The following SYT1 variants were observed in gnomAD, a reference collection of about 807,000 sequenced individuals.
SYT1 encodes synaptotagmin 1.
SYT1 carries 8 observed loss-of-function variants against 44.8 expected under a neutral mutation model. That is an observed-to-expected ratio of 0.18 (90% CI 0.10 to 0.32). SYT1 has a LOEUF of 0.32. Ranked by LOEUF, SYT1 falls within the 10% of genes least tolerant of loss-of-function variation. The pLI, the probability that SYT1 is intolerant of heterozygous loss-of-function variation, is 1.00. For synonymous variants in SYT1, 154 were observed against 188.8 expected, an observed-to-expected ratio of 0.82 and a Z score of 1.51; for missense variants, 286 against 509.3, an observed-to-expected ratio of 0.56 and a Z score of 4.22.
intron 9 of SYT1, among the ~76,000 whole-genome samples, chr12:79,371,050 TA>T (rs572390901): frequency 3.2e-3 from 492 of 152,344 alleles, no homozygotes; most frequent in African/African-American, 0.01. Flanking sequence ...TAATTATAGT[TA>T]TAATCTAGTC....
intron 8 of SYT1, among the ~76,000 whole-genome samples, chr12:79,320,116 T>C (rs1054495435): frequency 2.0e-5 from 3 of 152,166 alleles, no homozygotes; most frequent in African/African-American, 7.2e-5. Context: ...AGATAAGATA[T>C]TGAGCTGTGA....
intron 8 of SYT1, among the ~76,000 whole-genome samples, chr12:79,338,750 T>C (rs1272753700): frequency 1.3e-5 from 2 of 150,908 alleles, no homozygotes; most frequent in South Asian, 2.1e-4. Context: ...ATACATGTGC[T>C]GTGTTGGTTT....
intron 3 of SYT1, among the ~76,000 whole-genome samples, chr12:79,145,797 G>T (rs576125740): frequency 2.7e-5 from 4 of 150,036 alleles, no homozygotes; most frequent in Admixed American, 6.7e-5. Context: ...TCGCTCTGTC[G>T]CCCAGGCTGG....
intron 4 of SYT1, 58 bp downstream of exon 4, chr12:79,217,743 A>G (rs1220518852): frequency 3.4e-6 from 5 of 1,473,740 alleles, no homozygotes; most frequent in Non-Finnish European, 4.6e-6. Flanking sequence ...TACCCCATCC[A>G]TTGGAAAGAA....
intron 4 of SYT1, among the ~76,000 whole-genome samples, chr12:79,277,930 T>A (rs1269791499): frequency 1.3e-5 from 2 of 151,970 alleles, no homozygotes; most frequent in African/African-American, 4.8e-5. Context: ...GGTCATTATA[T>A]AATGATAAAG....
At chr12:79,242,745 T>C (rs1420863348) in intron 4 of SYT1, among the ~76,000 whole-genome samples, 2 of 152,170 alleles carry the variant, frequency 1.3e-5, no homozygotes, top group Non-Finnish European at 2.9e-5. Flanking sequence ...ACATACTGCC[T>C]CCTCCTCCCA....
At chr12:79,011,351 A>G (rs1871393812) in intron 2 of SYT1, among the ~76,000 whole-genome samples, 1 of 152,206 alleles carries the variant, frequency 6.6e-6, no homozygotes, top group Admixed American at 6.5e-5. Context: ...AGTTTATTAC[A>G]AGGAAGTGTG....
chr12:79,116,241 T>C (rs1000599148), intron 3 of SYT1, among the ~76,000 whole-genome samples: 12 of 152,188 alleles, frequency 7.9e-5, no homozygotes, highest in Non-Finnish European at 1.3e-4. Context: ...GCTGATATTT[T>C]TGTTGTTCTT....
At chr12:78,894,838 C>G (rs936271079) in intron 1 of SYT1, among the ~76,000 whole-genome samples, 4 of 150,584 alleles carry the variant, frequency 2.7e-5, no homozygotes, top group Admixed American at 1.3e-4. Context: ...TTTAAGAGAC[C>G]TATTGTACAT....
At chr12:79,447,446 T>C (rs1870800069) in intron 10 of SYT1, among the ~76,000 whole-genome samples, 1 of 152,156 alleles carries the variant, frequency 6.6e-6, no homozygotes, top group East Asian at 1.9e-4. Flanking sequence ...CTCCCCCAAA[T>C]GTAGAAATAA....
intron 3 of SYT1, among the ~76,000 whole-genome samples, chr12:79,193,876 TCTTA>T (rs1386564314): frequency 2.0e-5 from 3 of 152,250 alleles, no homozygotes; most frequent in Admixed American, 6.5e-5. Context: ...TTTTATTTTT[TCTTA>T]CTTCTTAGGT....
At chr12:79,156,160 C>T (rs924557759) in intron 3 of SYT1, among the ~76,000 whole-genome samples, 13 of 152,146 alleles carry the variant, frequency 8.5e-5, no homozygotes, top group Admixed American at 2.0e-4. Context: ...GTGACAAAAC[C>T]GGAACTCAAT....
chr12:79,371,764 C>G (rs1281683941), intron 9 of SYT1, among the ~76,000 whole-genome samples: 3 of 152,174 alleles, frequency 2.0e-5, no homozygotes, highest in Non-Finnish European at 4.4e-5. Flanking sequence ...AGTCATGCCT[C>G]AGAGGTTTGA....
chr12:79,037,899 T>G (rs1565774715), intron 2 of SYT1, among the ~76,000 whole-genome samples: 1 of 151,864 alleles, frequency 6.6e-6, no homozygotes, highest in Non-Finnish European at 1.5e-5. Flanking sequence ...GATAATGTTG[T>G]GCTTAATGAA....
At chr12:78,894,687 C>T (rs1019025787) in intron 1 of SYT1, among the ~76,000 whole-genome samples, 4 of 151,418 alleles carry the variant, frequency 2.6e-5, no homozygotes, top group African/African-American at 7.3e-5. Flanking sequence ...AAATATCTGA[C>T]GATCTCACCA....
chr12:79,024,925 G>T (rs1872427974), intron 2 of SYT1, among the ~76,000 whole-genome samples: 1 of 151,710 alleles, frequency 6.6e-6, no homozygotes, highest in Admixed American at 6.6e-5. Flanking sequence ...TTTCAGGATA[G>T]CAGGTACTTT....
intron 3 of SYT1, among the ~76,000 whole-genome samples, chr12:79,053,833 A>G (rs537229362): frequency 3.3e-4 from 50 of 151,966 alleles, no homozygotes; most frequent in Middle Eastern, 6.8e-3. Flanking sequence ...GAAACAACCA[A>G]AGTTGTTGGT....
intron 1 of SYT1, among the ~76,000 whole-genome samples, chr12:78,910,079 A>G (rs998777517): frequency 5.3e-5 from 8 of 151,954 alleles, no homozygotes; most frequent in Admixed American, 3.9e-4. Flanking sequence ...GAATCACTAC[A>G]TTTCATATCT....
chr12:79,090,488 T>A (rs1240948919), intron 3 of SYT1, among the ~76,000 whole-genome samples: 1 of 151,970 alleles, frequency 6.6e-6, no homozygotes, highest in Non-Finnish European at 1.5e-5. Flanking sequence ...CCCTCATTCC[T>A]GAAGAATTCG....
Sources: gnomAD v4.1 joint callset for allele counts (sites outside exome capture counted in the v4.1 genomes callset) on GRCh38, gnomAD v4.1.1 for gene constraint, MANE v1.5 for transcripts, NCBI Gene and HGNC (gene_info 2026-07-23, HGNC 2026-07-21) for gene names.